The following L1CAM variants were observed in gnomAD, a reference collection of about 807,000 sequenced individuals.
L1CAM encodes L1 cell adhesion molecule.
A neutral mutation model predicts 93.0 loss-of-function variants in L1CAM; 8 were observed. The observed-to-expected ratio is 0.09, with a 90% CI of 0.05 to 0.16. The LOEUF (loss-of-function observed/expected upper bound fraction) is 0.16, where lower values mean the gene tolerates loss of function less well. Ranked by LOEUF, L1CAM falls within the 10% of genes least tolerant of loss-of-function variation. The probability of loss-of-function intolerance (pLI) is 1.00; values close to 1 mark genes in which losing one functional copy is unlikely to be tolerated. For synonymous variants in L1CAM, 453 were observed against 453.0 expected (o/e 1.00, Z 0.00); for missense variants, 777 against 1,073.4 (o/e 0.72, Z 3.86).
Position 153,868,730 on chromosome X carries a change from G to A in L1CAM, c.1380-3C>T, listed in dbSNP as rs782296401. 1.7e-6 allele frequency: 2 copies of A among 1,211,690 alleles called. No homozygotes were observed. Among genetic ancestry groups the A allele is most frequent in the Non-Finnish European group, 2.2e-6 (2 of 895,467 alleles). On this transcript the variant is annotated splice_polypyrimidine_tract_variant and splice_region_variant and intron_variant, in intron 12 of 28. Transcript: ENST00000370060. ...CTGTTGTCCCATCCTCGTCCAGCCT[G>A]GAGGGAGCAGGGCGGGCCTGGCTCT...
chrX:153,863,311 G>C (rs367675325), intron 28 of L1CAM, 57 bp downstream of exon 28: 14 of 1,153,445 alleles, frequency 1.2e-5, no homozygotes, highest in Non-Finnish European at 1.4e-5. Context: ...CACACCAGGC[G>C]CACATTGTCT....
intron 17 of L1CAM, 60 bp from the exon 18 acceptor site, chrX:153,867,184 C>T: frequency 5.5e-6 from 6 of 1,084,452 alleles, no homozygotes; most frequent in South Asian, 1.8e-5. Context: ...CCACGAGGAC[C>T]GAGGGCCAAG....
chrX:153,870,571 C>T (rs1373051974), intron 7 of L1CAM, 72 bp from the exon 8 acceptor site: 9 of 936,882 alleles, frequency 9.6e-6, no homozygotes, highest in African/African-American at 1.9e-5. Flanking sequence ...CTGAGGGACT[C>T]GACACTCCAG....
At chrX:153,866,487 A>G (rs782434816) in intron 19 of L1CAM, among the ~76,000 whole-genome samples, 162 bp downstream of exon 19, 4 of 111,818 alleles carry the variant, frequency 3.6e-5, no homozygotes, top group Non-Finnish European at 7.5e-5. Context: ...TGCCAATTAT[A>G]GAAATGTGAA....
At chrX:153,872,425 C>T (rs189460084) in intron 4 of L1CAM, 71 bp from the exon 5 acceptor site, 1 of 1,057,222 alleles carries the variant, frequency 9.5e-7, no homozygotes, top group East Asian at 3.1e-5. Flanking sequence ...GCTGGAGGGA[C>T]AGGTGCAAGC....
rs2064664591 is a variant in L1CAM at position 153,861,891 on chromosome X, G to A, written c.*772C>T. ...ACTGTTCAGACGATAGGGAGGGCAGGGCTGCTAAGGGGTCCTGGGGGGTGG... is the reference window on the plus strand; with the variant it reads ...ACTGTTCAGACGATAGGGAGGGCAGAGCTGCTAAGGGGTCCTGGGGGGTGG... On this transcript the variant is annotated 3_prime_UTR_variant, in exon 29 of 29. Transcript: ENST00000370060. 9.2e-6 allele frequency: 1 copy of A among 108,623 alleles called. No individual in the cohort carries two copies. The highest frequency in any genetic ancestry group is 3.4e-5 in the African/African-American group (1 of 29,674). 9.0% of individuals were successfully genotyped at this position (108,623 alleles called of 1,213,427 possible).
Position 153,868,471 on chromosome X carries a change from C to T in L1CAM, c.1547-13G>A, listed in dbSNP as rs782817251. On this transcript the variant is annotated splice_polypyrimidine_tract_variant and intron_variant, in intron 13 of 28. Transcript: ENST00000370060. ...ATCTGAGTTGCATCTGAGGGTAATG[C>T]GTGCGTGGGGAAGTCACTCTGTTGT... 6 of 1,211,906 alleles carry T rather than the reference C, an allele frequency of 5.0e-6. No homozygotes were observed. The South Asian group carries it at 7.0e-5, about 14-fold the overall frequency.
At position 153,866,858 on chromosome X, in the gene L1CAM, A is replaced by G. The variant is rs1557091083; in HGVS notation, c.2222T>C (p.Met741Thr). 3.3e-6 allele frequency: 4 copies of G among 1,210,144 alleles called. No individual in the cohort carries two copies. Among genetic ancestry groups the G allele is most frequent in the Non-Finnish European group, 4.5e-6 (4 of 894,568 alleles). ...MVITWKPLRW[M>T]DWNAPQVQYR... Reference sequence around the variant, plus strand: ...CTGAACCTGGGGGGCGTTCCAGTCCATCCACCGGAGCGGCTGGAGGAGGCC... The same window carrying G: ...CTGAACCTGGGGGGCGTTCCAGTCCGTCCACCGGAGCGGCTGGAGGAGGCC... Residue 741 changes from methionine (M) to threonine (T), a missense_variant, in exon 19 of 29, where the codon ATG becomes ACG. Physicochemically the swap from Met to Thr is moderately conservative, Grantham distance 81. Transcript: ENST00000370060.
At chrX:153,883,596 T>A (rs1363453883) in intron 1 of L1CAM, 2 of 270,964 alleles carry the variant, frequency 7.4e-6, no homozygotes, top group Non-Finnish European at 1.5e-5. Flanking sequence ...GACAGGGCAA[T>A]GAGCACCCTG....
intron 7 of L1CAM, 87 bp from the exon 8 acceptor site, chrX:153,870,586 C>G: frequency 4.7e-6 from 4 of 850,035 alleles, no homozygotes; most frequent in Admixed American, 5.1e-5. Flanking sequence ...CTCCAGCCAG[C>G]CCCCGGGGCC....
At position 153,864,604 on chromosome X, in the gene L1CAM, G is replaced by T. The variant is rs146762944; in HGVS notation, c.3147C>A (p.Ile1049=). 1 of 1,205,976 alleles carries T rather than the reference G, an allele frequency of 8.3e-7. No homozygotes were observed. Residue 1049 remains isoleucine, a synonymous_variant, in exon 24 of 29, where the codon ATC becomes ATA. Transcript: ENST00000370060. ...KEGQCNFRFH[I]LFKALGEEKG... ...GCTTACCTCCCAAGGCTTTGAACAAGATATGGAACCTGAAGTTGCACTGGC... is the reference window on the plus strand; with the variant it reads ...GCTTACCTCCCAAGGCTTTGAACAATATATGGAACCTGAAGTTGCACTGGC...
In L1CAM at chrX:153,871,040, C is replaced by A. The variant is rs782521767; in HGVS notation, c.523+17G>T. ...TAACACCCCGACCCCACGAGGCAGC[C>A]GCTCGCCGGCACCCACTGCTGTTCA... On this transcript the variant is annotated intron_variant, in intron 6 of 28. Transcript: ENST00000370060. The A allele has an allele frequency of 3.3e-6, 4 of 1,208,996 alleles. No individual in the cohort carries two copies. The highest frequency in any genetic ancestry group is 1.8e-5 in the African/African-American group (1 of 56,891).
chrX:153,866,559 G>C (rs1213220011), intron 19 of L1CAM, 90 bp downstream of exon 19: 3 of 624,132 alleles, frequency 4.8e-6, no homozygotes, highest in Non-Finnish European at 7.8e-6. Flanking sequence ...CCTTAGGAAA[G>C]GCGCACACCA....
rs1383401794 is a variant in L1CAM at position 153,868,693 on chromosome X, C to T, written c.1414G>A (p.Glu472Lys). The change falls in exon 13 of 29, where the codon GAA (glutamate) becomes AAA (lysine). Residue 472 changes from glutamate to lysine, a missense_variant. By Grantham distance (56) the Glu-to-Lys change is moderately conservative (BLOSUM62 1). Coordinates refer to ENST00000370060, the MANE Select transcript of L1CAM (RefSeq NM_001278116.2). The part of the protein sequence containing the change: ...DEDGTTVLQD[E>K]RFFPYANGTL... Reference sequence around the variant, plus strand: ...CCATTGGCATAGGGGAAGAAGCGTTCGTCCTGAAGCACTGTTGTCCCATCC... The same window carrying T: ...CCATTGGCATAGGGGAAGAAGCGTTTGTCCTGAAGCACTGTTGTCCCATCC... The T allele has an allele frequency of 4.1e-6, 5 of 1,211,658 alleles. No homozygotes were observed. The highest frequency in any genetic ancestry group is 3.0e-5 in the East Asian group (1 of 33,848).
At chrX:153,866,328 G>GA (rs1420957907) in intron 19 of L1CAM, among the ~76,000 whole-genome samples, 3 of 95,477 alleles carry the variant, frequency 3.1e-5, no homozygotes, top group East Asian at 3.1e-4. Context: ...AAAAAAAAAA[G>GA]AAAGAAAAGA....
chrX:153,879,796 G>A (rs2064835104), intron 1 of L1CAM, among the ~76,000 whole-genome samples: 1 of 110,728 alleles, frequency 9.0e-6, no homozygotes, highest in Admixed American at 9.5e-5. Context: ...GGGGGAGGGG[G>A]AAGCACCCAG....
At chrX:153,872,831 G>A (rs2064784696) in intron 3 of L1CAM, 134 bp from the exon 4 acceptor site, 1 of 547,133 alleles carries the variant, frequency 1.8e-6, no homozygotes, top group African/African-American at 2.3e-5. Context: ...GACGAACGGA[G>A]GGGAAGAACA....
At chrX:153,863,248 G>A in intron 28 of L1CAM, 120 bp downstream of exon 28, 2 of 794,523 alleles carry the variant, frequency 2.5e-6, no homozygotes, top group Non-Finnish European at 3.7e-6. Context: ...TGCCGGGCCT[G>A]GGGGCTGGGA....
At chrX:153,875,666 G>C in intron 2 of L1CAM, 95 bp downstream of exon 2, 1 of 804,259 alleles carries the variant, frequency 1.2e-6, no homozygotes, top group East Asian at 3.2e-5. Context: ...AGAGGAGTCA[G>C]GGTCCGGAAC....
Sources: gnomAD v4.1 joint callset for allele counts (sites outside exome capture counted in the v4.1 genomes callset) on GRCh38, gnomAD v4.1.1 for gene constraint, MANE v1.5 for transcripts, NCBI Gene and HGNC (gene_info 2026-07-23, HGNC 2026-07-21) for gene names.